GALNS: variants seen among roughly 807,000 people sequenced by gnomAD.
GALNS encodes the protein galactosamine (N-acetyl)-6-sulfatase.
GALNS carries 65 observed loss-of-function variants against 65.9 expected under a neutral mutation model. The observed-to-expected ratio is 0.99, with a 90% CI of 0.81 to 1.21. The LOEUF is 1.21. Among genes scored for constraint, GALNS ranks in the 50% most tolerant of loss-of-function variants. The probability of loss-of-function intolerance (pLI) is 0.00; values close to 1 mark genes in which losing one functional copy is unlikely to be tolerated. For synonymous variants in GALNS, 346 were observed against 288.9 expected (o/e 1.20, Z -2.00); for missense variants, 776 against 700.7 (o/e 1.11, Z -1.21).
At chr16:88,831,043 G>A (rs919740623) in intron 9 of GALNS, among the ~76,000 whole-genome samples, 2 of 152,188 alleles carry the variant, frequency 1.3e-5, no homozygotes, top group South Asian at 2.1e-4. Flanking sequence ...GGACTGCTGC[G>A]GTGACTGGAC....
intron 9 of GALNS, among the ~76,000 whole-genome samples, chr16:88,827,572 G>A (rs963670379): frequency 3.9e-5 from 6 of 152,100 alleles, no homozygotes; most frequent in African/African-American, 1.4e-4. Context: ...TCAGTCTCCC[G>A]AGAAGCTGGG....
intron 4 of GALNS, among the ~76,000 whole-genome samples, chr16:88,839,266 G>T (rs376506840): frequency 7.4e-6 from 1 of 135,638 alleles, no homozygotes; most frequent in Non-Finnish European, 1.6e-5. Context: ...GTCACCGCCC[G>T]GCCACAGGGG....
intron 1 of GALNS, chr16:88,843,297 G>T: frequency 9.6e-7 from 1 of 1,044,678 alleles, no homozygotes; most frequent in Non-Finnish European, 1.3e-6. Context: ...GTTATCGTGT[G>T]ACCCTGCAGT....
At chr16:88,854,316 C>G (rs549758693) in intron 1 of GALNS, among the ~76,000 whole-genome samples, 1 of 152,200 alleles carries the variant, frequency 6.6e-6, no homozygotes, top group African/African-American at 2.4e-5. Context: ...GGAGGAAGCC[C>G]CGGACTCCAA....
intron 4 of GALNS, among the ~76,000 whole-genome samples, chr16:88,839,795 G>C (rs1193874764): frequency 6.6e-6 from 1 of 152,178 alleles, no homozygotes; most frequent in Non-Finnish European, 1.5e-5. Context: ...CAGGAGCCTC[G>C]AGGCCTCTAT....
At chr16:88,814,915 T>C in intron 13 of GALNS, 1 of 500,962 alleles carries the variant, frequency 2.0e-6, no homozygotes, top group Non-Finnish European at 2.6e-6. Flanking sequence ...GTATTTTTGG[T>C]AGAGACAAGG....
At chr16:88,841,156 C>T in intron 3 of GALNS, 62 bp from the exon 4 acceptor site, 2 of 1,279,356 alleles carry the variant, frequency 1.6e-6, no homozygotes, top group Non-Finnish European at 2.3e-6. Context: ...CAACCCCATC[C>T]TAACAGGACA....
At chr16:88,823,276 A>C (rs1249996166) in intron 11 of GALNS, among the ~76,000 whole-genome samples, 4 of 152,244 alleles carry the variant, frequency 2.6e-5, no homozygotes, top group Non-Finnish European at 5.9e-5. Context: ...AGGCAAGAGA[A>C]AACACAGAAA....
chr16:88,845,837 A>G (rs1445716085), intron 1 of GALNS, among the ~76,000 whole-genome samples: 2 of 151,966 alleles, frequency 1.3e-5, no homozygotes, highest in Non-Finnish European at 2.9e-5. Context: ...AAAAAAAAAA[A>G]AAAAGCCAAG....
At chr16:88,848,199 AC>A (rs1370410483) in intron 1 of GALNS, among the ~76,000 whole-genome samples, 1 of 151,968 alleles carries the variant, frequency 6.6e-6, no homozygotes, top group East Asian at 1.9e-4. Flanking sequence ...CAAGGGAGTG[AC>A]CCCCATCAGG....
rs989539978 is a variant in GALNS at position 88,816,093 on chromosome 16, C to G, written c.1483-1568G>C. On this transcript the variant is annotated intron_variant, in intron 13 of 13. Coordinates refer to ENST00000268695, the MANE Select transcript of GALNS (RefSeq NM_000512.5). ...ACGGTGGCATCTGGGCCCCTCAGAC[C>G]CCAGTGGCTCAGCTCGCCAGGTCTG... The G allele has an allele frequency of 9.1e-6, 9 of 985,314 alleles. No individual in the cohort carries two copies. In the African/African-American group the frequency reaches 1.6e-4, roughly 17 times the overall value. The allele number at this position is 985,314 out of a possible 1,614,324, so 61.0% of individuals were successfully genotyped here. A position where few individuals can be genotyped will look rare whatever the true frequency, so the allele number is the denominator to read the frequency against.
chr16:88,834,307 C>T (rs115006408), intron 8 of GALNS, among the ~76,000 whole-genome samples: 2 of 137,444 alleles, frequency 1.5e-5, no homozygotes, highest in South Asian at 2.5e-4. Flanking sequence ...TGGTCTGGGA[C>T]GAGGCTGTAG....
At position 88,826,747 on chromosome 16, in the gene GALNS, C is replaced by A. The variant is rs2142995782; in HGVS notation, c.1094G>T (p.Gly365Val). ...CAGGAGGGTGGGGAGGAGGTTGAGG[C>A]CATCAATGGCCCTGTCGCTGGGCGG... ...LTPPSDRAID[G>V]LNLLPTLLQG... Residue 365 changes from glycine (G) to valine (V), a missense_variant, in exon 10 of 14, where the codon GGC becomes GTC. Gly to Val is a moderately radical substitution (Grantham distance 109). Coordinates refer to ENST00000268695, the MANE Select transcript of GALNS (RefSeq NM_000512.5). 6.2e-7 allele frequency: 1 copy of A among 1,612,036 alleles called. No individual in the cohort carries two copies. The highest frequency in any genetic ancestry group is 8.5e-7 in the Non-Finnish European group (1 of 1,179,572).
At chr16:88,856,621 TC>T in intron 1 of GALNS, 136 bp downstream of exon 1, 2 of 320,414 alleles carry the variant, frequency 6.2e-6, no homozygotes, top group Non-Finnish European at 1.2e-5. Flanking sequence ...GCGCGGGGCC[TC>T]CCCCCTTCCC....
At chr16:88,838,622 C>G (rs1335550386) in intron 4 of GALNS, 1 of 152,470 alleles carries the variant, frequency 6.6e-6, no homozygotes, top group East Asian at 1.9e-4. Context: ...CCTCTGTGCC[C>G]ACTCGCCCTG....
chr16:88,851,766 C>G (rs547142579), intron 1 of GALNS, among the ~76,000 whole-genome samples: 1 of 152,370 alleles, frequency 6.6e-6, no homozygotes, highest in Admixed American at 6.5e-5. Flanking sequence ...GCTAGCACAG[C>G]AGTCTGAGAT....
Position 88,822,333 on chromosome 16 carries a change from A to G in GALNS, c.1364+256T>C, listed in dbSNP as rs144243016. On this transcript the variant is annotated intron_variant, in intron 12 of 13. Coordinates refer to ENST00000268695, the MANE Select transcript of GALNS (RefSeq NM_000512.5). ...GCCATCCCCAAATGCAGCTCAGAGTAGGGGATACATCACTGGGGGCCAGGT... is the reference window on the plus strand; with the variant it reads ...GCCATCCCCAAATGCAGCTCAGAGTGGGGGATACATCACTGGGGGCCAGGT... 0.036 allele frequency among the ~76,000 whole-genome samples: 5,409 copies of G among 152,212 alleles called. 125 individuals carry two copies. Among genetic ancestry groups the G allele is most frequent in the Non-Finnish European group, 0.054 (3,664 of 68,000 alleles).
At chr16:88,839,726 G>A (rs902930306) in intron 4 of GALNS, among the ~76,000 whole-genome samples, 3 of 152,240 alleles carry the variant, frequency 2.0e-5, no homozygotes, top group African/African-American at 7.2e-5. Flanking sequence ...GGGGCTCTGA[G>A]GTCTGCCTGG....
At chr16:88,820,917 GT>G (rs1910142747) in intron 12 of GALNS, among the ~76,000 whole-genome samples, 1 of 152,144 alleles carries the variant, frequency 6.6e-6, no homozygotes, top group South Asian at 2.1e-4. Flanking sequence ...GCTCCCCGTG[GT>G]CCCCCTGGGA....
Sources: allele counts gnomAD v4.1 joint callset (sites outside exome capture counted in the v4.1 genomes callset), GRCh38; gene constraint gnomAD v4.1.1; transcripts MANE v1.5; gene names NCBI Gene and HGNC (gene_info 2026-07-23, HGNC 2026-07-21).